The following HMCN2 variants were observed in gnomAD, a reference collection of about 807,000 sequenced individuals.
HMCN2 encodes the protein hemicentin 2, also known as hemicentin-2.
HMCN2 carries 325 observed loss-of-function variants against 377.5 expected under a neutral mutation model. The ratio of observed to expected loss-of-function variants is 0.86; its 90% CI spans 0.79 to 0.94. The LOEUF is 0.94. Ranked by LOEUF, HMCN2 falls within the 40% of genes least tolerant of loss-of-function variation. The pLI is 0.00. For missense variants in HMCN2, 4,543 were observed against 4,725.3 expected (o/e 0.96, Z 1.13); for synonymous variants, 2,007 against 2,046.8 (o/e 0.98, Z 0.53).
chr9:130,419,661 C>T (rs1843879919), intron 86 of HMCN2: 1 of 152,244 alleles, frequency 6.6e-6, no homozygotes. Context: ...GATGTGTCCC[C>T]TTCCCTGTAC....
rs1839993259 is a variant in HMCN2 at position 130,355,795 on chromosome 9, C to T, written c.5196C>T (p.Ile1732=). 1.5e-6 allele frequency: 2 copies of T among 1,303,868 alleles called. No homozygotes were observed. Among genetic ancestry groups the T allele is most frequent in the Middle Eastern group, 2.2e-4 (1 of 4,510 alleles). The allele number at this position is 1,303,868 out of a possible 1,614,324, so 80.8% of individuals were successfully genotyped here. ...VAEGLGQVTT[I]VGQPLELPCQ... Reference sequence around the variant, plus strand: ...AAGGCTTGGGACAGGTGACCACCATCGTGGGACAGCCCCTGGAACTTCCCT... The same window carrying T: ...AAGGCTTGGGACAGGTGACCACCATTGTGGGACAGCCCCTGGAACTTCCCT... Residue 1732 remains isoleucine (I), a synonymous_variant, in exon 33 of 98, where the codon ATC becomes ATT. Coordinates refer to ENST00000683500, the MANE Select transcript of HMCN2 (RefSeq NM_001291815.2).
At chr9:130,418,437 C>T (rs1843809751) in intron 85 of HMCN2, among the ~76,000 whole-genome samples, 1 of 152,046 alleles carries the variant, frequency 6.6e-6, no homozygotes, top group Admixed American at 6.5e-5. Context: ...AGCAGGCGCT[C>T]TTGGGAGGCT....
intron 84 of HMCN2, 132 bp from the exon 85 acceptor site, chr9:130,410,439 G>T (rs1038045390): frequency 1.2e-5 from 8 of 692,278 alleles, no homozygotes; most frequent in Non-Finnish European, 1.8e-5. Flanking sequence ...CTCTGCGGGG[G>T]ATCAGGTGCC....
chr9:130,324,429 C>T (rs1838017523), intron 19 of HMCN2, among the ~76,000 whole-genome samples: 1 of 152,174 alleles, frequency 6.6e-6, no homozygotes, highest in Non-Finnish European at 1.5e-5. Context: ...CAGAGATTTC[C>T]CACATAACCC....
intron 61 of HMCN2, among the ~76,000 whole-genome samples, chr9:130,387,773 A>G (rs1005425483): frequency 6.6e-6 from 1 of 152,150 alleles, no homozygotes; most frequent in Non-Finnish European, 1.5e-5. Flanking sequence ...ACACAACACA[A>G]TCGTTGAAAA....
chr9:130,403,001 A>G, intron 78 of HMCN2, 105 bp downstream of exon 78: 2 of 1,029,080 alleles, frequency 1.9e-6, no homozygotes, highest in Non-Finnish European at 2.6e-6. Flanking sequence ...CGGGTCTCAG[A>G]GGCCCCGACC....
rs1448450784 is a variant in HMCN2, at chr9:130,277,994, T to C, written c.260-6609T>C. On this transcript the variant is annotated intron_variant, in intron 1 of 97. Transcript: ENST00000683500. The stretch of plus-strand genomic sequence containing the variant: ...ATCATCATCACCACCACCACGATCA[T>C]CACCACCACCACCATCATCATCACC... Among the ~76,000 whole-genome samples the C allele has an allele frequency of 9.7e-5, 4 of 41,346 alleles. 1 individual carries two copies. The highest frequency in any genetic ancestry group is 1.6e-4 in the Non-Finnish European group (4 of 24,756). The allele number at this position is 41,346 out of a possible 152,430, so 27.1% of individuals were successfully genotyped here.
At chr9:130,286,077 A>G (rs1835394907) in intron 3 of HMCN2, 111 bp from the exon 4 acceptor site, 2 of 415,610 alleles carry the variant, frequency 4.8e-6, no homozygotes, top group South Asian at 3.6e-5. Context: ...CATGTGACAG[A>G]CAGAGGAGAG....
chr9:130,405,938 C>T lies in HMCN2; in HGVS notation c.12340-17C>T. On this transcript the variant is annotated splice_polypyrimidine_tract_variant and intron_variant, in intron 81 of 97. Transcript: ENST00000683500. ...AGGTGGGGCAGTTCTCCGGCCAACC[C>T]CTTTCTTTGCTCACAGGGCCAGGAC... The T allele has an allele frequency of 7.8e-7, 1 of 1,278,820 alleles. No homozygotes were observed. Among genetic ancestry groups the T allele is most frequent in the Non-Finnish European group, 1.0e-6 (1 of 980,636 alleles). 79.2% of individuals were successfully genotyped at this position (1,278,820 alleles called of 1,614,324 possible). A position where few individuals can be genotyped will look rare whatever the true frequency, so the allele number is the denominator to read the frequency against.
chr9:130,427,702 C>A (rs1844469150), intron 92 of HMCN2, 83 bp downstream of exon 92: 3 of 1,453,952 alleles, frequency 2.1e-6, no homozygotes, highest in Non-Finnish European at 2.7e-6. Flanking sequence ...GGGCCAGGAC[C>A]CTGGCTGGGG....
chr9:130,409,595 A>G (rs892785736), intron 84 of HMCN2, among the ~76,000 whole-genome samples: 1 of 152,206 alleles, frequency 6.6e-6, no homozygotes, highest in Non-Finnish European at 1.5e-5. Flanking sequence ...CAGTGGTAAT[A>G]ATGGCTCCTG....
rs1836692961 is a variant in HMCN2 at position 130,304,030 on chromosome 9, G to A, written c.1543+422G>A. Among the ~76,000 whole-genome samples, 1 of 152,158 alleles carries A rather than the reference G, an allele frequency of 6.6e-6. No individual in the cohort carries two copies. On this transcript the variant is annotated intron_variant, in intron 10 of 97. Coordinates refer to ENST00000683500, the MANE Select transcript of HMCN2 (RefSeq NM_001291815.2). This position sits in a 1 kb window ranked among gnomAD's most constrained non-coding sequence, Gnocchi z 4.3. ...TGGCTTTATTTGAAAAATTACGAAC[G>A]CAAGCTGCTTTGTAGAGAAAAAAAG...
chr9:130,386,747 C>T (rs567881082), intron 61 of HMCN2, among the ~76,000 whole-genome samples: 6 of 152,226 alleles, frequency 3.9e-5, no homozygotes, highest in Admixed American at 6.5e-5. Flanking sequence ...TGGGCTCAAG[C>T]AAACCTCCTG....
chr9:130,392,799 A>C (rs1042265572), intron 66 of HMCN2, among the ~76,000 whole-genome samples: 2 of 152,112 alleles, frequency 1.3e-5, no homozygotes, highest in African/African-American at 4.8e-5. Context: ...GATCAAGACC[A>C]TCCTGGCTAA....
Position 130,395,052 on chromosome 9 carries a change from G to T in HMCN2, c.10718G>T (p.Cys3573Phe). 1 of 1,285,780 alleles carries T rather than the reference G, an allele frequency of 7.8e-7. No individual in the cohort carries two copies. The highest frequency in any genetic ancestry group is 1.2e-5 in the South Asian group (1 of 80,872). 79.6% of individuals were successfully genotyped at this position (1,285,780 alleles called of 1,614,324 possible). The part of the protein sequence containing the change: ...VQVRDAGLYT[C>F]LAESPAGAIE... The stretch of plus-strand genomic sequence containing the variant: ...GTTAGGGATGCTGGGCTGTACACTT[G>T]TCTGGCTGAAAGCCCTGCAGGTGCA... Residue 3573 changes from cysteine to phenylalanine, a missense_variant, in exon 70 of 98, where the codon TGT (cysteine) becomes TTT (phenylalanine). Transcript: ENST00000683500.
Position 130,431,423 on chromosome 9 carries a change from G to A in HMCN2, c.14704G>A (p.Gly4902Ser). Residue 4902 changes from glycine (G) to serine (S), a missense_variant, in exon 96 of 98, where the codon GGC (glycine) becomes AGC (serine). Transcript: ENST00000683500. ...LCQHACRNTE[G>S]SYQCLCPAGY... ...TCAGCACGCCTGCCGCAACACTGAG[G>A]GCAGCTACCAGTGCCTGTGCCCCGC... is the stretch of plus-strand genomic sequence containing the variant. 6.5e-7 allele frequency: 1 copy of A among 1,550,286 alleles called. No individual in the cohort carries two copies. Among genetic ancestry groups the A allele is most frequent in the Non-Finnish European group, 8.7e-7 (1 of 1,146,854 alleles).
At chr9:130,426,204 G>A (rs1421166801) in intron 90 of HMCN2, among the ~76,000 whole-genome samples, 1 of 152,096 alleles carries the variant, frequency 6.6e-6, no homozygotes, top group Non-Finnish European at 1.5e-5. Context: ...ACCACCCCAG[G>A]CTGATGTTCA....
rs1412547820 is a variant in HMCN2, at chr9:130,398,598, C to G, written c.11374C>G (p.His3792Asp). 7.8e-7 allele frequency: 1 copy of G among 1,280,466 alleles called. No homozygotes were observed. Among genetic ancestry groups the G allele is most frequent in the East Asian group, 5.6e-5 (1 of 17,864 alleles). 79.3% of individuals were successfully genotyped at this position (1,280,466 alleles called of 1,614,324 possible). A position where few individuals can be genotyped will look rare whatever the true frequency, so the allele number is the denominator to read the frequency against. Residue 3792 changes from histidine (H) to aspartate (D), a missense_variant, in exon 75 of 98, where the codon CAC becomes GAC. Physicochemically the swap from His to Asp is moderately conservative, Grantham distance 81 (BLOSUM62 -1). Around this residue, in one of 5 missense-constraint regions of HMCN2, gnomAD observed 1,073 missense variants for 1,319.5 expected, o/e 0.81. Transcript: ENST00000683500. ...PSPSNLTLTA[H>D]TPALLPCEAS... ...CCCCTCCAACCTGACCCTGACCGCC[C>G]ACACCCCAGCCTTGCTGCCCTGCGA...
At position 130,405,053 on chromosome 9, in the gene HMCN2, C is replaced by A; in HGVS notation, c.12333C>A (p.Asn4111Lys). 1 of 1,285,006 alleles carries A rather than the reference C, an allele frequency of 7.8e-7. No homozygotes were observed. The highest frequency in any genetic ancestry group is 1.3e-5 in the South Asian group (1 of 79,546). 79.6% of individuals were successfully genotyped at this position (1,285,006 alleles called of 1,614,324 possible). The part of the protein sequence containing the change: ...IQPSGELLVK[N>K]LEGQDAGTYT... ...CTTCTGGGGAGTTGCTGGTGAAGAA[C>A]TTGGAGGTGAGGCACTGCCCCAAGG... is the stretch of plus-strand genomic sequence containing the variant. Residue 4111 changes from asparagine to lysine, a missense_variant, in exon 81 of 98, where the codon AAC becomes AAA. By Grantham distance (94) the Asn-to-Lys change is moderately conservative. This residue lies in a region of HMCN2 where 1,073 missense variants were observed against 1,319.5 expected (regional missense o/e 0.81). Coordinates refer to ENST00000683500, the MANE Select transcript of HMCN2 (RefSeq NM_001291815.2).
Sources: allele counts gnomAD v4.1 joint callset (sites outside exome capture counted in the v4.1 genomes callset), GRCh38; gene constraint gnomAD v4.1.1; regional missense constraint gnomAD v4.1.1; non-coding constraint Gnocchi (gnomAD v3.1); transcripts MANE v1.5; gene names NCBI Gene and HGNC (gene_info 2026-07-23, HGNC 2026-07-21).